Variants in SLC39A10 observed in about 807,000 individuals in gnomAD.
The protein encoded by SLC39A10 is solute carrier family 39 member 10.
In SLC39A10, 13 loss-of-function variants were observed where a neutral mutation model predicts 65.1. The observed-to-expected ratio is 0.20, with a 90% CI of 0.13 to 0.32. SLC39A10 has a LOEUF of 0.32. Ranked by LOEUF, SLC39A10 falls within the 10% of genes least tolerant of loss-of-function variation. SLC39A10 has a pLI of 1.00. For synonymous variants in SLC39A10, 321 were observed against 342.2 expected, an observed-to-expected ratio of 0.94 and a Z score of 0.68; for missense variants, 831 against 1,018.4, an observed-to-expected ratio of 0.82 and a Z score of 2.50.
In SLC39A10 at chr2:195,703,915, A is replaced by G. The variant is rs181872454; in HGVS notation, c.1217-2701A>G. 7.9e-5 allele frequency among the ~76,000 whole-genome samples: 12 copies of G among 152,298 alleles called. No individual in the cohort carries two copies. In the East Asian group the frequency reaches 2.3e-3, roughly 29 times the overall value. ...TCAGCCTGTCTGCCTCGACCTCCCA[A>G]AATGCTTGGATTACAGGCATAAGCA... On this transcript the variant is annotated intron_variant, in intron 3 of 9. Transcript: ENST00000359634.
intron 2 of SLC39A10, among the ~76,000 whole-genome samples, chr2:195,631,168 A>G (rs1434254808): frequency 6.6e-6 from 1 of 152,086 alleles, no homozygotes. Flanking sequence ...CCTGGGAGAC[A>G]GAGTGAGACT....
chr2:195,634,675 T>C (rs755588025), intron 2 of SLC39A10, among the ~76,000 whole-genome samples: 2 of 152,190 alleles, frequency 1.3e-5, no homozygotes, highest in Non-Finnish European at 2.9e-5. Flanking sequence ...AAAAGTCACT[T>C]GATAAGGAAA....
intron 3 of SLC39A10, among the ~76,000 whole-genome samples, chr2:195,704,174 T>C (rs1474538793): frequency 1.3e-5 from 2 of 152,188 alleles, no homozygotes; most frequent in African/African-American, 4.8e-5. Flanking sequence ...TCCTAGAGTA[T>C]CTTAGAGTAT....
intron 2 of SLC39A10, among the ~76,000 whole-genome samples, chr2:195,618,530 A>G (rs915670771): frequency 2.0e-5 from 3 of 152,228 alleles, no homozygotes; most frequent in Non-Finnish European, 4.4e-5. Flanking sequence ...AATATTTTAC[A>G]TAGGTGTTGT....
intron 1 of SLC39A10, among the ~76,000 whole-genome samples, chr2:195,664,654 TTTTA>T (rs1276697587): frequency 6.6e-6 from 1 of 152,134 alleles, no homozygotes; most frequent in African/African-American, 2.4e-5. Flanking sequence ...AAGTAAGACC[TTTTA>T]TTTATTTAAA....
chr2:195,656,470 T>C (rs964758981), upstream of SLC39A10, among the ~76,000 whole-genome samples: 1 of 151,836 alleles, frequency 6.6e-6, no homozygotes, highest in Non-Finnish European at 1.5e-5. Flanking sequence ...AGTTGAGGAG[T>C]AGAGGAGTGA....
chr2:195,728,475 T>C lies in SLC39A10; in HGVS notation c.2337+126T>C. 1 of 892,460 alleles carries C rather than the reference T, an allele frequency of 1.1e-6. No individual in the cohort carries two copies. The highest frequency in any genetic ancestry group is 3.6e-4 in the Middle Eastern group (1 of 2,780). The allele number at this position is 892,460 out of a possible 1,614,324, so 55.3% of individuals were successfully genotyped here. A position where few individuals can be genotyped will look rare whatever the true frequency, so the allele number is the denominator to read the frequency against. On this transcript the variant is annotated intron_variant, in intron 9 of 9. Transcript: ENST00000359634. The surrounding 1 kb of genome is among the most constrained non-coding windows in gnomAD (Gnocchi z 4.4). ...TAAAGACATAATATCCTAAATAATC[T>C]CTTAAGGAAGGACATTTAAGTAGGA...
rs1178506077 is a variant in SLC39A10 at position 195,716,852 on chromosome 2, A to C, written c.1912A>C (p.Lys638Gln). 1.2e-6 allele frequency: 2 copies of C among 1,614,036 alleles called. No homozygotes were observed. The highest frequency in any genetic ancestry group is 1.7e-5 in the Admixed American group (1 of 60,008). The change falls in exon 7 of 10, where the codon AAG (lysine) becomes CAG (glutamine). Residue 638 changes from lysine (K) to glutamine (Q), a missense_variant. This residue lies in a region of SLC39A10 where 230 missense variants were observed against 242.9 expected (regional missense o/e 0.95). Transcript: ENST00000359634. ...HHGENKTVLRKHNHQWHHKHS... is the reference protein window; with the variant it reads ...HHGENKTVLRQHNHQWHHKHS... ...CGGCGAGAACAAAACTGTGCTGAGG[A>C]AGCATAATCACCAGTGGCACCACAA...
chr2:195,731,941 T>G (rs1213953347), intron 9 of SLC39A10, among the ~76,000 whole-genome samples: 1 of 152,222 alleles, frequency 6.6e-6, no homozygotes, highest in Non-Finnish European at 1.5e-5. Flanking sequence ...AAAACCTCAC[T>G]ACGTGGTTCT....
intron 2 of SLC39A10, among the ~76,000 whole-genome samples, chr2:195,622,698 C>T (rs778298922): frequency 1.3e-5 from 2 of 152,080 alleles, no homozygotes; most frequent in African/African-American, 4.8e-5. Flanking sequence ...GAGGGCCGGG[C>T]GCGGTGGCTC....
rs200925730 is a variant in SLC39A10 at position 195,680,552 on chromosome 2, T to C, written c.510T>C (p.His170=). 6.2e-7 allele frequency: 1 copy of C among 1,614,128 alleles called. No individual in the cohort carries two copies. Among genetic ancestry groups the C allele is most frequent in the Non-Finnish European group, 8.5e-7 (1 of 1,180,046 alleles). ...TGTCTGTAAAATCTGATGATAAACA[T>C]ATGCATGACCATAATCACCGCCTAC... ...VEVSVKSDDK[H]MHDHNHRLRH... Residue 170 remains histidine, a synonymous_variant, in exon 2 of 10, where the codon CAT becomes CAC. Coordinates refer to ENST00000359634, the MANE Select transcript of SLC39A10 (RefSeq NM_020342.3).
At chr2:195,616,820 G>A (rs1025144547) in intron 2 of SLC39A10, among the ~76,000 whole-genome samples, 1 of 152,002 alleles carries the variant, frequency 6.6e-6, no homozygotes, top group African/African-American at 2.4e-5. Context: ...AGCCAGGATG[G>A]TCTCAATCTC....
chr2:195,683,058 C>G (rs183845670), intron 2 of SLC39A10, among the ~76,000 whole-genome samples: 28 of 151,906 alleles, frequency 1.8e-4, no homozygotes, highest in Non-Finnish European at 3.5e-4. Flanking sequence ...TTGTTTTTAA[C>G]CATATGATGG....
At chr2:195,670,517 C>G (rs1689817451) in intron 1 of SLC39A10, 1 of 152,098 alleles carries the variant, frequency 6.6e-6, no homozygotes, top group Non-Finnish European at 1.5e-5. Flanking sequence ...TAACCTTTCT[C>G]TTAAGTATAA....
intron 2 of SLC39A10, among the ~76,000 whole-genome samples, chr2:195,631,813 C>T (rs1012830792): frequency 2.0e-5 from 3 of 152,210 alleles, no homozygotes; most frequent in South Asian, 2.1e-4. Flanking sequence ...GCTGCTTCAT[C>T]TTACCATGAC....
At chr2:195,729,401 T>C (rs928338278) in intron 9 of SLC39A10, among the ~76,000 whole-genome samples, 3 of 152,232 alleles carry the variant, frequency 2.0e-5, no homozygotes, top group Admixed American at 1.3e-4. Context: ...CCCTGCTGAC[T>C]TTTAATATCT....
intron 2 of SLC39A10, among the ~76,000 whole-genome samples, chr2:195,618,228 G>A (rs1688267999): frequency 2.0e-5 from 3 of 151,988 alleles, no homozygotes; most frequent in African/African-American, 7.2e-5. Context: ...GCACATGCCT[G>A]TAATCCCAGC....
At chr2:195,724,467 AAGAT>A (rs1265353213) in intron 8 of SLC39A10, among the ~76,000 whole-genome samples, 1 of 152,218 alleles carries the variant, frequency 6.6e-6, no homozygotes, top group Non-Finnish European at 1.5e-5. Flanking sequence ...GACTACAACC[AAGAT>A]AGATTTTAAA....
chr2:195,638,952 GT>G (rs35269104), intron 2 of SLC39A10, among the ~76,000 whole-genome samples: 11 of 146,774 alleles, frequency 7.5e-5, no homozygotes, highest in African/African-American at 1.7e-4. Context: ...GACCTTGGCA[GT>G]TTTTTTTTTT....
Sources: allele counts gnomAD v4.1 joint callset (sites outside exome capture counted in the v4.1 genomes callset), GRCh38; gene constraint gnomAD v4.1.1; regional missense constraint gnomAD v4.1.1; non-coding constraint Gnocchi (gnomAD v3.1); transcripts MANE v1.5; gene names NCBI Gene and HGNC (gene_info 2026-07-23, HGNC 2026-07-21).